VAMP1: variants seen among roughly 807,000 people sequenced by gnomAD.
VAMP1 encodes vesicle associated membrane protein 1, also known as vesicle-associated membrane protein 1.
Under a neutral mutation model 19.1 loss-of-function variants are expected in VAMP1, and 16 were observed. The ratio of observed to expected loss-of-function variants is 0.84; its 90% CI spans 0.57 to 1.27. The LOEUF (loss-of-function observed/expected upper bound fraction) is 1.27, where lower values mean the gene tolerates loss of function less well. Ranked by LOEUF, VAMP1 falls within the 50% of genes most tolerant of loss-of-function variation. VAMP1 has a pLI of 0.00. For missense variants in VAMP1, 109 were observed against 145.4 expected, an observed-to-expected ratio of 0.75 and a Z score of 1.29; for synonymous variants, 37 against 50.2, an observed-to-expected ratio of 0.74 and a Z score of 1.11.
chr12:6,462,926 A>T lies in VAMP1; in HGVS notation c.*1544T>A. On this transcript the variant is annotated 3_prime_UTR_variant, in exon 5 of 5. Transcript: ENST00000396308. ...TGAGCAATGAAATGCTGCTGCATGG[A>T]AAGTGGGCATCCAGACCCTGCCCAG... The T allele has an allele frequency of 6.4e-7, 1 of 1,561,882 alleles. No homozygotes were observed. The highest frequency in any genetic ancestry group is 8.7e-7 in the Non-Finnish European group (1 of 1,152,736).
intron 1 of VAMP1, among the ~76,000 whole-genome samples, chr12:6,467,657 G>A (rs371585767): frequency 1.3e-5 from 2 of 152,350 alleles, no homozygotes; most frequent in South Asian, 4.1e-4. Flanking sequence ...CTAAGACCAT[G>A]GGGAAAATGT....
chr12:6,470,639 C>G lies in VAMP1; in HGVS notation c.-108G>C. On this transcript the variant is annotated 5_prime_UTR_variant, in exon 1 of 5. Transcript: ENST00000396308. The stretch of plus-strand genomic sequence containing the variant: ...GACGGAACTGCCAAGCTCCGCCTCG[C>G]GCCGACTACCCCGCGGTCTAGCTGC... 2.0e-6 allele frequency: 3 copies of G among 1,465,608 alleles called. No individual in the cohort carries two copies. Among genetic ancestry groups the G allele is most frequent in the East Asian group, 2.4e-5 (1 of 42,228 alleles). The allele number at this position is 1,465,608 out of a possible 1,614,324, so 90.8% of individuals were successfully genotyped here.
rs748397138 is a variant in VAMP1 at position 6,463,843 on chromosome 12, A to G, written c.*627T>C. 82 of 1,240,336 alleles carry G rather than the reference A, an allele frequency of 6.6e-5. No homozygotes were observed. Among genetic ancestry groups the G allele is most frequent in the Non-Finnish European group, 8.0e-5 (77 of 966,494 alleles). 76.8% of individuals were successfully genotyped at this position (1,240,336 alleles called of 1,614,324 possible). On this transcript the variant is annotated 3_prime_UTR_variant, in exon 5 of 5. Transcript: ENST00000396308. This position sits in a 1 kb window ranked among gnomAD's most constrained non-coding sequence, Gnocchi z 4.0. Reference sequence around the variant, plus strand: ...TCTCCAGGCCTCTGGAGAACAAAGTAAAGTTGTAAGATCCCCAAAGACACG... The same window carrying G: ...TCTCCAGGCCTCTGGAGAACAAAGTGAAGTTGTAAGATCCCCAAAGACACG...
intron 1 of VAMP1, 133 bp from the exon 2 acceptor site, chr12:6,466,484 GC>G: frequency 1.1e-6 from 1 of 918,102 alleles, no homozygotes; most frequent in Non-Finnish European, 1.6e-6. Context: ...GGAGTTCGAG[GC>G]CAGCCTGGGC....
intron 1 of VAMP1, among the ~76,000 whole-genome samples, chr12:6,468,177 C>A (rs926374210): frequency 6.6e-6 from 1 of 152,184 alleles, no homozygotes. Flanking sequence ...TTGCACCGTG[C>A]GCCTGGAAAA....
At chr12:6,466,084 C>A (rs1950017288) in intron 2 of VAMP1, 84 bp from the exon 3 acceptor site, 1 of 1,611,382 alleles carries the variant, frequency 6.2e-7, no homozygotes, top group Non-Finnish European at 8.5e-7. Context: ...ACAAGTCTGG[C>A]CCTGTGCAAC....
rs1182788172 is a variant in VAMP1, at chr12:6,463,743, T to G, written c.*727A>C. ...GTAGAAAATGTAAAGAAGAGAAAGC[T>G]CCTTCCAGCTAGAAGCACATGGGAC... On this transcript the variant is annotated 3_prime_UTR_variant, in exon 5 of 5. Coordinates refer to ENST00000396308, the MANE Select transcript of VAMP1 (RefSeq NM_014231.5). This position sits in a 1 kb window ranked among gnomAD's most constrained non-coding sequence, Gnocchi z 4.0. The G allele has an allele frequency of 1.5e-5, 17 of 1,156,182 alleles. No homozygotes were observed. The highest frequency in any genetic ancestry group is 1.8e-5 in the Non-Finnish European group (17 of 927,166). The allele number at this position is 1,156,182 out of a possible 1,614,324, so 71.6% of individuals were successfully genotyped here. A position where few individuals can be genotyped will look rare whatever the true frequency, so the allele number is the denominator to read the frequency against.
Position 6,462,284 on chromosome 12 carries a change from C to A in VAMP1, c.*2186G>T. The A allele has an allele frequency of 1.5e-6, 1 of 670,738 alleles. No homozygotes were observed. The highest frequency in any genetic ancestry group is 2.5e-6 in the Non-Finnish European group (1 of 399,268). 41.5% of individuals were successfully genotyped at this position (670,738 alleles called of 1,614,324 possible). ...TTTTGCCTTTGTTCAGAATACATGA[C>A]ATTGGTAAATATGCCACATGCCTTT... is the stretch of plus-strand genomic sequence containing the variant. On this transcript the variant is annotated 3_prime_UTR_variant, in exon 5 of 5. Transcript: ENST00000396308.
At position 6,463,945 on chromosome 12, in the gene VAMP1, C is replaced by A; in HGVS notation, c.*525G>T. 2 of 1,289,776 alleles carry A rather than the reference C, an allele frequency of 1.6e-6. No individual in the cohort carries two copies. The highest frequency in any genetic ancestry group is 2.0e-6 in the Non-Finnish European group (2 of 989,148). The allele number at this position is 1,289,776 out of a possible 1,614,324, so 79.9% of individuals were successfully genotyped here. ...TTTCGAAAAGGGTACTGCACTGAAACCAAGTTGGACTTTGGTCCACCCCCA... is the reference window on the plus strand; with the variant it reads ...TTTCGAAAAGGGTACTGCACTGAAAACAAGTTGGACTTTGGTCCACCCCCA... On this transcript the variant is annotated 3_prime_UTR_variant, in exon 5 of 5. Coordinates refer to ENST00000396308, the MANE Select transcript of VAMP1 (RefSeq NM_014231.5). This position sits in a 1 kb window ranked among gnomAD's most constrained non-coding sequence, Gnocchi z 4.0.
At chr12:6,466,124 T>C (rs1056905716) in intron 2 of VAMP1, 101 bp downstream of exon 2, 1 of 1,611,362 alleles carries the variant, frequency 6.2e-7, no homozygotes, top group East Asian at 2.2e-5. Flanking sequence ...CTCAGGGCCT[T>C]TGACTATTCT....
rs2534717 is a variant in VAMP1, at chr12:6,464,583, C to T, written c.341-97G>A. 450,714 of 1,461,168 alleles carry T rather than the reference C, an allele frequency of 0.31. 70,288 individuals are homozygous for T. The highest frequency in any genetic ancestry group is 0.35 in the South Asian group (23,576 of 67,960). 90.5% of individuals were successfully genotyped at this position (1,461,168 alleles called of 1,614,324 possible). On this transcript the variant is annotated intron_variant, in intron 4 of 4. Transcript: ENST00000396308. ...ACCAAGTTACCAGACATTCAGGTCT[C>T]TCCATTGTTAAGTGCCCCATCCCCA... is the stretch of plus-strand genomic sequence containing the variant.
intron 1 of VAMP1, among the ~76,000 whole-genome samples, chr12:6,469,721 C>A (rs1945720795): frequency 6.6e-6 from 1 of 152,140 alleles, no homozygotes; most frequent in Non-Finnish European, 1.5e-5. Flanking sequence ...ATATTGAGGT[C>A]TTGACAGAGA....
intron 3 of VAMP1, among the ~76,000 whole-genome samples, chr12:6,465,544 G>A (rs1439504957): frequency 6.6e-6 from 1 of 151,150 alleles, no homozygotes; most frequent in Non-Finnish European, 1.5e-5. Context: ...CTGAGGATGA[G>A]ACAGGTGAAA....
intron 1 of VAMP1, among the ~76,000 whole-genome samples, chr12:6,469,771 A>G (rs1216622462): frequency 6.6e-6 from 1 of 152,220 alleles, no homozygotes; most frequent in East Asian, 1.9e-4. Flanking sequence ...CCTCAAGATC[A>G]TGCGAAGGGG....
At chr12:6,465,401 A>ACATGTATATATATATATAC (rs1565526181) in intron 3 of VAMP1, 1 of 67,590 alleles carries the variant, frequency 1.5e-5, no homozygotes. Context: ...TATATATATA[A>ACATGTATATATATATATAC]ATGTATATAT....
At chr12:6,465,359 T>C in intron 3 of VAMP1, 1 of 132,612 alleles carries the variant, frequency 7.5e-6, no homozygotes. Flanking sequence ...AAGAAAAAAG[T>C]ATATATATAT....
Position 6,466,216 on chromosome 12 carries a change from T to C in VAMP1, c.129+9A>G, listed in dbSNP as rs370743078. On this transcript the variant is annotated intron_variant, in intron 2 of 4. Transcript: ENST00000396308. ...TTGGAAACTTTCAGAGAAACAGCTA[T>C]CTACCTACCTCCTCCACTTGTGCCT... is the stretch of plus-strand genomic sequence containing the variant. 6 of 1,614,052 alleles carry C rather than the reference T, an allele frequency of 3.7e-6. No individual in the cohort carries two copies. The highest frequency in any genetic ancestry group is 2.2e-5 in the East Asian group (1 of 44,904).
intron 1 of VAMP1, 114 bp downstream of exon 1, chr12:6,470,416 G>T: frequency 6.6e-7 from 1 of 1,503,858 alleles, no homozygotes; most frequent in Non-Finnish European, 9.1e-7. Context: ...CGCGGTGGTA[G>T]TTCCCCGCGT....
Position 6,465,922 on chromosome 12 carries a change from C to T in VAMP1, c.208G>A (p.Asp70Asn). 3 of 1,614,258 alleles carry T rather than the reference C, an allele frequency of 1.9e-6. No individual in the cohort carries two copies. Among genetic ancestry groups the T allele is most frequent in the Non-Finnish European group, 2.5e-6 (3 of 1,180,050 alleles). Residue 70 changes from aspartate (D) to asparagine (N), a missense_variant, in exon 3 of 5, where the codon GAT becomes AAT. By Grantham distance (23) the Asp-to-Asn change is conservative (BLOSUM62 1). Coordinates refer to ENST00000396308, the MANE Select transcript of VAMP1 (RefSeq NM_014231.5). ...QKLSELDDRA[D>N]ALQAGASQFE... ...TGTGATGCTCCTGCCTGCAAGGCAT[C>T]AGCTCGGTCATCCAGCTCTGACAGC...
Sources: gnomAD v4.1 joint callset for allele counts (sites outside exome capture counted in the v4.1 genomes callset) on GRCh38, gnomAD v4.1.1 for gene constraint, Gnocchi (gnomAD v3.1) non-coding constraint, MANE v1.5 for transcripts, NCBI Gene and HGNC (gene_info 2026-07-23, HGNC 2026-07-21) for gene names.